NEDD9: variants seen among roughly 807,000 people sequenced by gnomAD.
NEDD9 encodes the protein enhancer of filamentation 1.
A neutral mutation model predicts 76.6 loss-of-function variants in NEDD9; 26 were observed. The observed-to-expected ratio is 0.34, with a 90% confidence interval of 0.25 to 0.47. The LOEUF (loss-of-function observed/expected upper bound fraction) is 0.47. NEDD9 is among the 20% of genes least tolerant of loss of function. NEDD9 has a pLI of 1.00. For synonymous variants in NEDD9, 392 were observed against 414.2 expected (o/e 0.95, Z 0.65); for missense variants, 937 against 1,058.5 (o/e 0.89, Z 1.59).
chr6:11,320,849 A>G (rs1449373241), intron 2 of NEDD9, among the ~76,000 whole-genome samples: 1 of 152,094 alleles, frequency 6.6e-6, no homozygotes, highest in Non-Finnish European at 1.5e-5. Context: ...GTGCTTTCAT[A>G]TATATTGAAA....
At chr6:11,357,935 C>T (rs947138158) in intron 1 of NEDD9, among the ~76,000 whole-genome samples, 2 of 152,172 alleles carry the variant, frequency 1.3e-5, no homozygotes, top group East Asian at 1.9e-4. Context: ...TGGGTCCCGC[C>T]TCCAGAGGCA....
At chr6:11,234,118 T>C (rs1226048579), upstream of NEDD9, among the ~76,000 whole-genome samples, 1 of 152,208 alleles carries the variant, frequency 6.6e-6, no homozygotes, top group Non-Finnish European at 1.5e-5. Context: ...GACATACCTG[T>C]TCCAGCCTGT....
chr6:11,343,723 A>G (rs147388175), intron 1 of NEDD9, among the ~76,000 whole-genome samples: 1 of 152,350 alleles, frequency 6.6e-6, no homozygotes, highest in African/African-American at 2.4e-5. Flanking sequence ...TACCTTCTTT[A>G]CTGCTATCAG....
intron 6 of NEDD9, among the ~76,000 whole-genome samples, chr6:11,185,938 C>T (rs1273566882): frequency 1.3e-5 from 2 of 152,142 alleles, no homozygotes; most frequent in Non-Finnish European, 2.9e-5. Flanking sequence ...GTGTTTAAAC[C>T]GCAGCCCTGT....
At chr6:11,327,102 G>A (rs968028190) in intron 2 of NEDD9, among the ~76,000 whole-genome samples, 5 of 152,176 alleles carry the variant, frequency 3.3e-5, no homozygotes, top group African/African-American at 1.2e-4. Flanking sequence ...GAGCACATAG[G>A]GACTGTACTG....
Position 11,191,470 on chromosome 6 carries a change from T to C in NEDD9, c.664-265A>G, listed in dbSNP as rs115965503. Among the ~76,000 whole-genome samples, 829 of 152,320 alleles carry C rather than the reference T, an allele frequency of 5.4e-3. 4 individuals are homozygous for C. Among genetic ancestry groups the C allele is most frequent in the African/African-American group, 0.018 (764 of 41,566 alleles). Reference sequence around the variant, plus strand: ...CCCTGTGTTTCCAGTCCTGTGTTTCTGACCACCTCCTGGGTATCCTTTCTC... The same window carrying C: ...CCCTGTGTTTCCAGTCCTGTGTTTCCGACCACCTCCTGGGTATCCTTTCTC... On this transcript the variant is annotated intron_variant, in intron 4 of 6. Coordinates refer to ENST00000379446, the MANE Select transcript of NEDD9 (RefSeq NM_006403.4).
chr6:11,272,806 A>C (rs184893590), intron 3 of NEDD9, among the ~76,000 whole-genome samples: 311 of 152,304 alleles, frequency 2.0e-3, no homozygotes, highest in African/African-American at 6.6e-3. Context: ...TTTCGGCTTC[A>C]TCCTGGTCAC....
rs894118222 is a variant in NEDD9, at chr6:11,252,890, AT to A, written c.13-39164del. ...ACAGAAATGGAAGTGATAGGAATGT[AT>A]TTTTTTTTTCTCCTAAACTTCAAAC... On this transcript the variant is annotated intron_variant, in intron 3 of 3. Transcript: ENST00000397378. This position sits in a 1 kb window ranked among gnomAD's most constrained non-coding sequence, Gnocchi z 4.3. Among the ~76,000 whole-genome samples the A allele has an allele frequency of 6.2e-4, 93 of 150,494 alleles. No homozygotes were observed. Among genetic ancestry groups the A allele is most frequent in the African/African-American group, 1.3e-3 (53 of 41,092 alleles).
chr6:11,223,534 A>T (rs1477643140), intron 1 of NEDD9, among the ~76,000 whole-genome samples: 2 of 152,160 alleles, frequency 1.3e-5, no homozygotes, highest in African/African-American at 4.8e-5. Flanking sequence ...TCTTATCATG[A>T]TTACACCTGC....
intron 1 of NEDD9, among the ~76,000 whole-genome samples, chr6:11,373,194 C>T (rs536010876): frequency 1.3e-5 from 2 of 151,388 alleles, no homozygotes; most frequent in South Asian, 4.2e-4. Flanking sequence ...TAATCATGTA[C>T]AAAATACCTT....
intron 1 of NEDD9, among the ~76,000 whole-genome samples, chr6:11,354,360 C>T (rs1491000902): frequency 6.6e-6 from 1 of 152,132 alleles, no homozygotes; most frequent in East Asian, 1.9e-4. Flanking sequence ...CAGCAAAGGG[C>T]TTATCATTTT....
chr6:11,190,689 C>G lies in NEDD9; in HGVS notation c.1180G>C (p.Ala394Pro). The G allele has an allele frequency of 6.2e-7, 1 of 1,614,148 alleles. No individual in the cohort carries two copies. Among genetic ancestry groups the G allele is most frequent in the South Asian group, 1.1e-5 (1 of 91,080 alleles). Reference protein sequence around the residue: ...STSSKESSLSASPAQDKRLFL... With the variant: ...STSSKESSLSPSPAQDKRLFL... The stretch of plus-strand genomic sequence containing the variant: ...AGCCTTTTGTCCTGAGCTGGGGAGG[C>G]TGACAGTGAGGACTCCTTGGAGGAG... The change falls in exon 5 of 7, where the codon GCC becomes CCC. Residue 394 changes from alanine (A) to proline (P), a missense_variant. Physicochemically the swap from Ala to Pro is conservative, Grantham distance 27. Coordinates refer to ENST00000379446, the MANE Select transcript of NEDD9 (RefSeq NM_006403.4). This position sits in a 1 kb window ranked among gnomAD's most constrained non-coding sequence, Gnocchi z 5.8.
chr6:11,260,884 G>A (rs1056988395), intron 3 of NEDD9, among the ~76,000 whole-genome samples: 3 of 143,744 alleles, frequency 2.1e-5, no homozygotes, highest in Non-Finnish European at 4.5e-5. Context: ...GTGTGAGCAC[G>A]TGTGTGAGCC....
chr6:11,368,562 T>C (rs915044575), intron 1 of NEDD9, among the ~76,000 whole-genome samples: 9 of 152,230 alleles, frequency 5.9e-5, no homozygotes, highest in African/African-American at 2.2e-4. Flanking sequence ...TGTTGACTGA[T>C]GACTGACACA....
At chr6:11,216,772 C>T (rs78182337) in intron 1 of NEDD9, among the ~76,000 whole-genome samples, 1,908 of 152,302 alleles carry the variant, frequency 0.013, 43 homozygotes, top group African/African-American at 0.044. Flanking sequence ...CTTCAGGCTC[C>T]CTCCCCGCCT....
chr6:11,278,787 G>C (rs1425874150), intron 3 of NEDD9, among the ~76,000 whole-genome samples: 1 of 152,164 alleles, frequency 6.6e-6, no homozygotes, highest in Non-Finnish European at 1.5e-5. Context: ...GGAGATTTCA[G>C]CATGCTGCCA....
chr6:11,238,714 T>G (rs1759655563), intron 3 of NEDD9, among the ~76,000 whole-genome samples: 1 of 152,184 alleles, frequency 6.6e-6, no homozygotes, highest in African/African-American at 2.4e-5. Context: ...CCAATCTTCC[T>G]CTGTATCTCT....
chr6:11,201,204 C>T (rs9368610), intron 2 of NEDD9, among the ~76,000 whole-genome samples: 138,175 of 152,304 alleles, frequency 0.91, 62,833 homozygotes, highest in East Asian at 1. Flanking sequence ...GGCAGAGCAG[C>T]GGCAGCAGAG....
At chr6:11,279,633 G>A (rs1022574849) in intron 3 of NEDD9, among the ~76,000 whole-genome samples, 3 of 152,116 alleles carry the variant, frequency 2.0e-5, no homozygotes, top group African/African-American at 7.2e-5. Flanking sequence ...TTACATGCTT[G>A]CCTGCGAAAG....
Sources: gnomAD v4.1 joint callset for allele counts (sites outside exome capture counted in the v4.1 genomes callset) on GRCh38, gnomAD v4.1.1 for gene constraint, Gnocchi (gnomAD v3.1) non-coding constraint, MANE v1.5 for transcripts, NCBI Gene and HGNC (gene_info 2026-07-23, HGNC 2026-07-21) for gene names.